Variants in DFFB observed in about 807,000 individuals in gnomAD.
DFFB encodes DNA fragmentation factor 40 kDa subunit.
Under a neutral mutation model 32.7 loss-of-function variants are expected in DFFB, and 29 were observed. That is an observed-to-expected ratio of 0.89 (90% confidence interval 0.66 to 1.21). The LOEUF (loss-of-function observed/expected upper bound fraction) is 1.21. DFFB is among the 50% of genes most tolerant of loss of function. DFFB has a pLI of 0.00. For synonymous variants in DFFB, 170 were observed against 177.1 expected (o/e 0.96, Z 0.32); for missense variants, 398 against 440.6 (o/e 0.90, Z 0.87).
intron 6 of DFFB, among the ~76,000 whole-genome samples, chr1:3,873,591 T>A (rs1335541670): frequency 6.6e-6 from 1 of 151,990 alleles, no homozygotes; most frequent in Non-Finnish European, 1.5e-5. Context: ...GCGATTCTCC[T>A]ACTTTAGCTT....
chr1:3,872,286 A>G (rs1490164063), intron 5 of DFFB, among the ~76,000 whole-genome samples, 186 bp from the exon 6 acceptor site: 2 of 151,968 alleles, frequency 1.3e-5, no homozygotes, highest in East Asian at 3.9e-4. Context: ...GATGGCGGGC[A>G]CCTGTAGTCC....
chr1:3,881,121 G>C (rs1335443780), intron 6 of DFFB, among the ~76,000 whole-genome samples: 1 of 152,190 alleles, frequency 6.6e-6, no homozygotes, highest in African/African-American at 2.4e-5. Flanking sequence ...TTGTGTGGGG[G>C]ACTTGTCCCC....
At chr1:3,877,217 CT>C (rs60073470) in intron 6 of DFFB, among the ~76,000 whole-genome samples, 6,285 of 152,096 alleles carry the variant, frequency 0.041, 440 homozygotes, top group African/African-American at 0.14. Context: ...TTCCTACCTT[CT>C]ACCTTTGTGG....
At chr1:3,863,320 C>G (rs1252065970) in intron 2 of DFFB, among the ~76,000 whole-genome samples, 1 of 152,174 alleles carries the variant, frequency 6.6e-6, no homozygotes, top group Non-Finnish European at 1.5e-5. Context: ...AACTGCAAAT[C>G]AAAACCACAG....
At chr1:3,875,846 G>A (rs1219481896) in intron 6 of DFFB, among the ~76,000 whole-genome samples, 1 of 151,950 alleles carries the variant, frequency 6.6e-6, no homozygotes, top group Non-Finnish European at 1.5e-5. Flanking sequence ...GTGTGATTTC[G>A]GCTCACTGCC....
intron 6 of DFFB, among the ~76,000 whole-genome samples, chr1:3,875,752 T>C (rs1419391076): frequency 6.6e-6 from 1 of 152,168 alleles, no homozygotes; most frequent in Non-Finnish European, 1.5e-5. Context: ...GATACGTTAA[T>C]CCTATGATAT....
chr1:3,881,916 G>A (rs188986548), intron 6 of DFFB, among the ~76,000 whole-genome samples: 12 of 151,844 alleles, frequency 7.9e-5, no homozygotes, highest in East Asian at 5.8e-4. Flanking sequence ...GTGGGTTGTA[G>A]GGAGAGGGGT....
chr1:3,857,675 G>A lies in DFFB; in HGVS notation c.72G>A (p.Arg24=), dbSNP rs780077608. 6 of 1,591,762 alleles carry A rather than the reference G, an allele frequency of 3.8e-6. No individual in the cohort carries two copies. The highest frequency in any genetic ancestry group is 4.3e-6 in the Non-Finnish European group (5 of 1,170,128). ...RSPRKFGVAG[R]SCQEVLRKGC... ...CGAGGAAGTTCGGCGTGGCTGGCCG[G>A]AGCTGCCAGGAGGTGCTGCGCAAGG... The change falls in exon 1 of 7, where the codon CGG becomes CGA. Residue 24 remains arginine, a synonymous_variant. Transcript: ENST00000378209.
At chr1:3,870,096 C>T in intron 5 of DFFB, among the ~76,000 whole-genome samples, 1 of 152,226 alleles carries the variant, frequency 6.6e-6, no homozygotes, top group Non-Finnish European at 1.5e-5. Context: ...GGAACGGCAG[C>T]TGGTTACTGC....
chr1:3,873,721 C>T lies in DFFB; in HGVS notation c.782+1149C>T, dbSNP rs61482827. ...CTTGAACTCCTGACCTCAGGTGATCCGCCCGCCTCAGTCTCCCAAAGTTCT... is the reference window on the plus strand; with the variant it reads ...CTTGAACTCCTGACCTCAGGTGATCTGCCCGCCTCAGTCTCCCAAAGTTCT... On this transcript the variant is annotated intron_variant, in intron 6 of 6. Coordinates refer to ENST00000378209, the MANE Select transcript of DFFB (RefSeq NM_004402.4). Among the ~76,000 whole-genome samples, 641 of 152,168 alleles carry T rather than the reference C, an allele frequency of 4.2e-3. 2 individuals are homozygous for T. Among genetic ancestry groups the T allele is most frequent in the African/African-American group, 0.015 (606 of 41,520 alleles).
chr1:3,865,470 A>G lies in DFFB; in HGVS notation c.242-342A>G, dbSNP rs1298989250. Among the ~76,000 whole-genome samples, 2 of 152,110 alleles carry G rather than the reference A, an allele frequency of 1.3e-5. No individual in the cohort carries two copies. The highest frequency in any genetic ancestry group is 1.3e-4 in the Admixed American group (2 of 15,250). ...AGGAGAGAGTAGGAAAAGTGATCGGAAGGATCTGAAAGCAAGGTCTCCAGG... is the reference window on the plus strand; with the variant it reads ...AGGAGAGAGTAGGAAAAGTGATCGGGAGGATCTGAAAGCAAGGTCTCCAGG... On this transcript the variant is annotated intron_variant, in intron 2 of 6. Transcript: ENST00000378209. This position sits in a 1 kb window ranked among gnomAD's most constrained non-coding sequence, Gnocchi z 4.7.
At position 3,883,897 on chromosome 1, in the gene DFFB, A is replaced by C; in HGVS notation, c.*156A>C. 1 of 630,898 alleles carries C rather than the reference A, an allele frequency of 1.6e-6. No homozygotes were observed. Among genetic ancestry groups the C allele is most frequent in the Non-Finnish European group, 2.8e-6 (1 of 360,184 alleles). 39.1% of individuals were successfully genotyped at this position (630,898 alleles called of 1,614,324 possible). On this transcript the variant is annotated 3_prime_UTR_variant, in exon 7 of 7. Coordinates refer to ENST00000378209, the MANE Select transcript of DFFB (RefSeq NM_004402.4). ...TGTTTCCTCCAAATCTGATTTCATT[A>C]CATTTCTGAATTGTTGGGGTTTTTT... is the stretch of plus-strand genomic sequence containing the variant.
At position 3,872,487 on chromosome 1, in the gene DFFB, G is replaced by A. The variant is rs1006859074; in HGVS notation, c.697G>A (p.Asp233Asn). ...WFSCQGPFDM[D>N]SCLSRHSINP... ...TGGCCCCCAGGGTCCCTTTGACATG[G>A]ACAGCTGCTTATCAAGACACTCCAT... The change falls in exon 6 of 7, where the codon GAC becomes AAC. Residue 233 changes from aspartate to asparagine, a missense_variant. Asp to Asn is a conservative substitution (Grantham distance 23). Coordinates refer to ENST00000378209, the MANE Select transcript of DFFB (RefSeq NM_004402.4). 2 of 1,613,906 alleles carry A rather than the reference G, an allele frequency of 1.2e-6. No individual in the cohort carries two copies. Among genetic ancestry groups the A allele is most frequent in the Non-Finnish European group, 1.7e-6 (2 of 1,179,988 alleles).
chr1:3,865,875 C>T lies in DFFB; in HGVS notation c.305C>T (p.Ala102Val). The stretch of plus-strand genomic sequence containing the variant: ...GAGCCACAGGTGGGGCTCATCCAGG[C>T]CGCCCAGCAGCTGCTGTGTGATGAG... ...FHEPQVGLIQ[A>V]AQQLLCDEQA... Residue 102 changes from alanine to valine, a missense_variant, in exon 3 of 7, where the codon GCC (alanine) becomes GTC (valine). Physicochemically the swap from Ala to Val is moderately conservative, Grantham distance 64. Coordinates refer to ENST00000378209, the MANE Select transcript of DFFB (RefSeq NM_004402.4). The surrounding 1 kb of genome is among the most constrained non-coding windows in gnomAD (Gnocchi z 4.7). 6.2e-7 allele frequency: 1 copy of T among 1,614,036 alleles called. No homozygotes were observed. Among genetic ancestry groups the T allele is most frequent in the Non-Finnish European group, 8.5e-7 (1 of 1,179,974 alleles).
rs1645310098 is a variant in DFFB, at chr1:3,880,310, G to A, written c.783-3197G>A. On this transcript the variant is annotated intron_variant, in intron 6 of 6. Transcript: ENST00000378209. ...GGGAGGGGACAGCTGGAAGCTCTGG[G>A]ATTGGAACCTTCCTGGACCGCCCCC... is the stretch of plus-strand genomic sequence containing the variant. 2.6e-5 allele frequency among the ~76,000 whole-genome samples: 4 copies of A among 152,218 alleles called. 1 individual carries two copies. In the South Asian group the frequency reaches 8.3e-4, roughly 32 times the overall value.
At chr1:3,864,254 C>T (rs191539460) in intron 2 of DFFB, among the ~76,000 whole-genome samples, 12 of 152,206 alleles carry the variant, frequency 7.9e-5, no homozygotes, top group East Asian at 1.9e-4. Context: ...CGTGAGCCAC[C>T]GCGCCCGGCC....
chr1:3,860,040 C>T (rs76211045), intron 2 of DFFB, among the ~76,000 whole-genome samples: 648 of 152,188 alleles, frequency 4.3e-3, no homozygotes, highest in African/African-American at 0.015. Context: ...CTCCTCTCTT[C>T]GCTGAGACCG....
chr1:3,865,179 G>A lies in DFFB; in HGVS notation c.242-633G>A, dbSNP rs900283984. ...TGTTAGGTCTAAGGACTTCCACCAA[G>A]TCCTCACTCCCCAGCATGTCCTCCT... On this transcript the variant is annotated intron_variant, in intron 2 of 6. Coordinates refer to ENST00000378209, the MANE Select transcript of DFFB (RefSeq NM_004402.4). The surrounding 1 kb of genome is among the most constrained non-coding windows in gnomAD (Gnocchi z 4.7). Among the ~76,000 whole-genome samples, 1 of 151,990 alleles carries A rather than the reference G, an allele frequency of 6.6e-6. No individual in the cohort carries two copies. Among genetic ancestry groups the A allele is most frequent in the Non-Finnish European group, 1.5e-5 (1 of 68,022 alleles).
rs761576895 is a variant in DFFB at position 3,857,723 on chromosome 1, C to T, written c.114+6C>T. 2.6e-6 allele frequency: 4 copies of T among 1,512,596 alleles called. No homozygotes were observed. The highest frequency in any genetic ancestry group is 2.7e-6 in the Non-Finnish European group (3 of 1,128,006). The allele number at this position is 1,512,596 out of a possible 1,614,324, so 93.7% of individuals were successfully genotyped here. A position where few individuals can be genotyped will look rare whatever the true frequency, so the allele number is the denominator to read the frequency against. ...AGGGCTGTCTCCGCTTCCAGGTGCC[C>T]GCTGGGCTAGGCGGGGACGGCCCGT... is the stretch of plus-strand genomic sequence containing the variant. On this transcript the variant is annotated splice_donor_region_variant and intron_variant, in intron 1 of 6. Coordinates refer to ENST00000378209, the MANE Select transcript of DFFB (RefSeq NM_004402.4).
Sources: gnomAD v4.1 joint callset for allele counts (sites outside exome capture counted in the v4.1 genomes callset) on GRCh38, gnomAD v4.1.1 for gene constraint, Gnocchi (gnomAD v3.1) non-coding constraint, MANE v1.5 for transcripts, NCBI Gene and HGNC (gene_info 2026-07-23, HGNC 2026-07-21) for gene names.